The following PSAT1 variants were observed in gnomAD, a reference collection of about 807,000 sequenced individuals.
The protein encoded by PSAT1 is phosphoserine aminotransferase 1, also known as phosphoserine aminotransferase.
Under a neutral mutation model 40.3 loss-of-function variants are expected in PSAT1, and 41 were observed. The observed-to-expected ratio is 1.02, with a 90% CI of 0.79 to 1.32. The LOEUF (loss-of-function observed/expected upper bound fraction) is 1.32. PSAT1 is among the 40% of genes most tolerant of loss of function. The probability of loss-of-function intolerance (pLI) is 0.00; values close to 1 mark genes in which losing one functional copy is unlikely to be tolerated. For synonymous variants in PSAT1, 147 were observed against 170.5 expected (o/e 0.86, Z 1.07); for missense variants, 406 against 455.8 (o/e 0.89, Z 0.99).
intron 2 of PSAT1, 83 bp from the exon 3 acceptor site, chr9:78,301,871 T>C: frequency 1.9e-6 from 2 of 1,078,568 alleles, no homozygotes; most frequent in African/African-American, 1.5e-5. Context: ...TATTGTTGTT[T>C]ACTTGCAAAT....
intron 6 of PSAT1, among the ~76,000 whole-genome samples, chr9:78,311,815 G>T (rs973084992): frequency 2.0e-5 from 3 of 148,748 alleles, no homozygotes; most frequent in African/African-American, 7.6e-5. Context: ...CTGGGTGACA[G>T]AGTGAGACTG....
rs1564013537 is a variant in PSAT1 at position 78,304,913 on chromosome 9, GTTCACCC to G, written c.372_378del (p.His125AsnfsTer67). 1 of 1,612,790 alleles carries G rather than the reference GTTCACCC, an allele frequency of 6.2e-7. No individual in the cohort carries two copies. ...CAAGAAGTTTGGGACTATAAATATC[GTTCACCC>G]TAAACTTGGGAGTTATACAAGTAAG... On this transcript the variant is annotated frameshift_variant, in exon 4 of 9. Coordinates refer to ENST00000376588, the MANE Select transcript of PSAT1 (RefSeq NM_058179.4). LOFTEE classifies it high-confidence loss of function.
chr9:78,308,541 A>G lies in PSAT1; in HGVS notation c.698A>G (p.Gln233Arg). Residue 233 changes from glutamine (Q) to arginine (R), a missense_variant, in exon 6 of 9, where the codon CAG (glutamine) becomes CGG (arginine). Gln to Arg is a conservative substitution (Grantham distance 43). Transcript: ENST00000376588. The stretch of plus-strand genomic sequence containing the variant: ...CCCTCGGTCCTGGAATACAAGGTGC[A>G]GGCTGGAAACAGCTCCTTGTACAAC... ...ECPSVLEYKV[Q>R]AGNSSLYNTP... The G allele has an allele frequency of 6.2e-7, 1 of 1,614,116 alleles. No individual in the cohort carries two copies. Among genetic ancestry groups the G allele is most frequent in the East Asian group, 2.2e-5 (1 of 44,882 alleles).
At chr9:78,317,260 T>A in intron 6 of PSAT1, among the ~76,000 whole-genome samples, 1 of 151,814 alleles carries the variant, frequency 6.6e-6, no homozygotes, top group East Asian at 1.9e-4. Context: ...TTTCTTTCTT[T>A]ATTTTTTTTG....
At chr9:78,307,023 T>A (rs897909748) in intron 5 of PSAT1, among the ~76,000 whole-genome samples, 1 of 152,250 alleles carries the variant, frequency 6.6e-6, no homozygotes, top group African/African-American at 2.4e-5. Context: ...TTAATTGGGA[T>A]AAAATATAAC....
intron 6 of PSAT1, among the ~76,000 whole-genome samples, chr9:78,312,002 G>A (rs1051701557): frequency 2.0e-5 from 3 of 151,388 alleles, no homozygotes; most frequent in Non-Finnish European, 4.4e-5. Context: ...TCAGAACTTT[G>A]TATCACATAG....
intron 3 of PSAT1, 28 bp from the exon 4 acceptor site, chr9:78,304,707 A>G (rs1828155015): frequency 6.3e-6 from 10 of 1,581,416 alleles, no homozygotes; most frequent in Non-Finnish European, 8.7e-6. Flanking sequence ...GAGTTTATGT[A>G]TTGACTGTTA....
At chr9:78,328,531 A>G (rs1489745262) in intron 8 of PSAT1, among the ~76,000 whole-genome samples, 1 of 144,954 alleles carries the variant, frequency 6.9e-6, no homozygotes, top group Non-Finnish European at 1.5e-5. Flanking sequence ...TATTATTCCA[A>G]CTGAACATCA....
chr9:78,303,201 C>G (rs1828133174), intron 3 of PSAT1, among the ~76,000 whole-genome samples: 1 of 152,148 alleles, frequency 6.6e-6, no homozygotes. Flanking sequence ...TTCAAGTTTT[C>G]TTTTTCAAAT....
At chr9:78,317,901 C>T in intron 7 of PSAT1, 97 bp downstream of exon 7, 1 of 1,407,548 alleles carries the variant, frequency 7.1e-7, no homozygotes, top group Non-Finnish European at 1.0e-6. Context: ...TCACCTTTCT[C>T]TGAGACATTA....
chr9:78,297,921 G>A (rs538646038), intron 1 of PSAT1, among the ~76,000 whole-genome samples: 8 of 151,808 alleles, frequency 5.3e-5, no homozygotes, highest in Admixed American at 3.9e-4. Context: ...TCCCCTCCTT[G>A]TCCCCCATAG....
At chr9:78,311,829 G>A (rs10780228) in intron 6 of PSAT1, among the ~76,000 whole-genome samples, 32,012 of 151,298 alleles carry the variant, frequency 0.21, 3,476 homozygotes, top group South Asian at 0.32. Context: ...GAGACTGTCT[G>A]AAAACAAAAA....
chr9:78,299,407 A>C (rs1828074371), intron 1 of PSAT1, among the ~76,000 whole-genome samples: 1 of 151,710 alleles, frequency 6.6e-6, no homozygotes. Context: ...GAAAAGATTC[A>C]CTCTATTTTA....
rs768434204 is a variant in PSAT1 at position 78,300,590 on chromosome 9, A to AT, written c.61-5dup. The AT allele has an allele frequency of 5.0e-6, 8 of 1,598,998 alleles. No homozygotes were observed. The highest frequency in any genetic ancestry group is 2.3e-5 in the East Asian group (1 of 44,356). On this transcript the variant is annotated splice_polypyrimidine_tract_variant and intron_variant, in intron 1 of 8. Coordinates refer to ENST00000376588, the MANE Select transcript of PSAT1 (RefSeq NM_058179.4). The stretch of plus-strand genomic sequence containing the variant: ...TATTTAAATAACCCTATTTTCCTTT[A>AT]TTTTTTTCTAGGTGTTGTTAGAGAT...
chr9:78,313,487 T>C (rs960777200), intron 6 of PSAT1, among the ~76,000 whole-genome samples: 1 of 151,782 alleles, frequency 6.6e-6, no homozygotes, highest in Non-Finnish European at 1.5e-5. Context: ...GACTCTTAAC[T>C]GGGCATATGC....
In PSAT1 at chr9:78,328,157, G is replaced by T. The variant is rs199998249; in HGVS notation, c.976G>T (p.Glu326Ter). The T allele has an allele frequency of 1.9e-6, 3 of 1,613,802 alleles. No individual in the cohort carries two copies. The highest frequency in any genetic ancestry group is 3.3e-5 in the Admixed American group (2 of 60,024). Residue 326 changes from glutamate to a stop codon, truncating the protein, a stop_gained, in exon 8 of 9, where the codon GAA (glutamate) becomes TAA (stop). Coordinates refer to ENST00000376588, the MANE Select transcript of PSAT1 (RefSeq NM_058179.4). LOFTEE classifies it high-confidence loss of function. ...AAAAAGATTTCTTGATAAAGCTCTT[G>T]AACTCAATATGTTGTCCTTGAAAGG... ...LEKRFLDKAL[E>*]LNMLSLKGHR... is the part of the protein sequence containing the mutation.
At chr9:78,314,940 T>C (rs1828319086) in intron 6 of PSAT1, among the ~76,000 whole-genome samples, 1 of 152,082 alleles carries the variant, frequency 6.6e-6, no homozygotes, top group African/African-American at 2.4e-5. Flanking sequence ...ACCTGGGCTC[T>C]GCTTGGATTC....
chr9:78,305,090 GC>G, intron 4 of PSAT1, 150 bp downstream of exon 4: 1 of 722,160 alleles, frequency 1.4e-6, no homozygotes, highest in Non-Finnish European at 2.4e-6. Context: ...TAAGACTAGA[GC>G]CTATGCATAC....
chr9:78,307,285 C>A (rs897883993), intron 5 of PSAT1, among the ~76,000 whole-genome samples: 7 of 152,234 alleles, frequency 4.6e-5, no homozygotes, highest in African/African-American at 1.7e-4. Flanking sequence ...AGAAGTGAAT[C>A]ATGTACTATT....
Sources: gnomAD v4.1 joint callset for allele counts (sites outside exome capture counted in the v4.1 genomes callset) on GRCh38, gnomAD v4.1.1 for gene constraint, MANE v1.5 for transcripts, NCBI Gene and HGNC (gene_info 2026-07-23, HGNC 2026-07-21) for gene names.